Variants in PTPRG observed in about 807,000 individuals in gnomAD.
PTPRG encodes receptor-type tyrosine-protein phosphatase gamma.
Under a neutral mutation model 165.3 loss-of-function variants are expected in PTPRG, and 102 were observed. The observed-to-expected ratio is 0.62, with a 90% CI of 0.53 to 0.73. PTPRG has a LOEUF of 0.73. Among genes scored for constraint, PTPRG ranks in the 30% least tolerant of loss-of-function variants. The pLI, the probability that PTPRG is intolerant of heterozygous loss-of-function variation, is 0.00. For synonymous variants in PTPRG, 675 were observed against 669.5 expected, an observed-to-expected ratio of 1.01 and a Z score of -0.13; for missense variants, 1,866 against 1,861.4, an observed-to-expected ratio of 1.00 and a Z score of -0.05.
At chr3:61,600,672 TG>T (rs1195381593) in intron 1 of PTPRG, among the ~76,000 whole-genome samples, 4 of 152,110 alleles carry the variant, frequency 2.6e-5, no homozygotes, top group Non-Finnish European at 4.4e-5. Context: ...CCTAAGTAGC[TG>T]GGACCATAGG....
At chr3:61,658,646 A>C in intron 1 of PTPRG, among the ~76,000 whole-genome samples, 1 of 151,768 alleles carries the variant, frequency 6.6e-6, no homozygotes, top group East Asian at 1.9e-4. Flanking sequence ...TTTGTTGTTT[A>C]TTTTCCCAGC....
intron 2 of PTPRG, among the ~76,000 whole-genome samples, chr3:61,927,537 A>G (rs2039251808): frequency 6.6e-6 from 1 of 152,220 alleles, no homozygotes; most frequent in Admixed American, 6.5e-5. Context: ...AGTGTGGGCC[A>G]GAAGCCTCTA....
chr3:61,825,586 A>G (rs971042549), intron 2 of PTPRG, among the ~76,000 whole-genome samples: 8 of 152,140 alleles, frequency 5.3e-5, no homozygotes, highest in African/African-American at 1.9e-4. Context: ...AATAAATTTC[A>G]CAAATTTGGA....
At chr3:62,004,179 C>G (rs1329400805) in intron 4 of PTPRG, among the ~76,000 whole-genome samples, 1 of 152,002 alleles carries the variant, frequency 6.6e-6, no homozygotes, top group Non-Finnish European at 1.5e-5. Flanking sequence ...CAATGCCAAC[C>G]TTATATATTT....
At chr3:61,625,849 CT>C (rs1483001562) in intron 1 of PTPRG, among the ~76,000 whole-genome samples, 1 of 152,202 alleles carries the variant, frequency 6.6e-6, no homozygotes, top group African/African-American at 2.4e-5. Context: ...GAAGATTTTA[CT>C]GTTGCAGAAC....
chr3:61,846,021 G>A (rs956290769), intron 2 of PTPRG, among the ~76,000 whole-genome samples: 13 of 152,156 alleles, frequency 8.5e-5, no homozygotes, highest in African/African-American at 3.1e-4. Flanking sequence ...ACATTAATTT[G>A]CGCTGTCACC....
At chr3:62,275,590 C>G (rs1257067464) in intron 23 of PTPRG, among the ~76,000 whole-genome samples, 1 of 152,102 alleles carries the variant, frequency 6.6e-6, no homozygotes, top group Non-Finnish European at 1.5e-5. Flanking sequence ...CAGGAAGACC[C>G]CAATTCTATA....
In PTPRG at chr3:62,277,621, G is replaced by C; in HGVS notation, c.3707G>C (p.Arg1236Pro). The C allele has an allele frequency of 6.2e-7, 1 of 1,612,674 alleles. No homozygotes were observed. The highest frequency in any genetic ancestry group is 8.5e-7 in the Non-Finnish European group (1 of 1,179,320). ...CCACATACTACGAAAGATTTCTGGCGAATGATTTGGGATCATAACGCACAG... is the reference window on the plus strand; with the variant it reads ...CCACATACTACGAAAGATTTCTGGCCAATGATTTGGGATCATAACGCACAG... ...PLPHTTKDFW[R>P]MIWDHNAQII... is the part of the protein sequence containing the mutation. The change falls in exon 26 of 30, where the codon CGA (arginine) becomes CCA (proline). Residue 1236 changes from arginine (R) to proline (P), a missense_variant. By Grantham distance (103) the Arg-to-Pro change is moderately radical. This residue lies in a region of PTPRG where 1,452 missense variants were observed against 1,463.0 expected (regional missense o/e 0.99). Transcript: ENST00000474889.
At chr3:61,830,583 T>A (rs1318478446) in intron 2 of PTPRG, among the ~76,000 whole-genome samples, 1 of 146,410 alleles carries the variant, frequency 6.8e-6, no homozygotes, top group Non-Finnish European at 1.5e-5. Flanking sequence ...TTTTTTTTTT[T>A]TTTTTTTGGA....
chr3:62,265,847 T>TACATAC (rs149962561), intron 17 of PTPRG, among the ~76,000 whole-genome samples: 1 of 126,850 alleles, frequency 7.9e-6, no homozygotes, highest in Non-Finnish European at 1.7e-5. Flanking sequence ...CATACATACA[T>TACATAC]ACACACACAC....
intron 16 of PTPRG, among the ~76,000 whole-genome samples, chr3:62,256,842 TTGATC>T (rs1369135990): frequency 6.6e-6 from 1 of 152,166 alleles, no homozygotes; most frequent in Non-Finnish European, 1.5e-5. Context: ...CTCTGTAAAC[TTGATC>T]TGACTTAAAA....
intron 15 of PTPRG, among the ~76,000 whole-genome samples, chr3:62,249,020 T>C (rs1473335115): frequency 6.6e-6 from 1 of 152,198 alleles, no homozygotes; most frequent in African/African-American, 2.4e-5. Context: ...AAGAGATTCA[T>C]TGGTCTTTTG....
chr3:61,729,944 T>A (rs550994813), intron 1 of PTPRG, among the ~76,000 whole-genome samples: 10 of 152,230 alleles, frequency 6.6e-5, no homozygotes, highest in Non-Finnish European at 1.0e-4. Flanking sequence ...TGTGATAATA[T>A]AATGATTGAT....
intron 2 of PTPRG, among the ~76,000 whole-genome samples, chr3:61,782,731 G>C (rs1193248734): frequency 1.3e-5 from 2 of 152,198 alleles, no homozygotes; most frequent in African/African-American, 4.8e-5. Context: ...TTAAGCTGAA[G>C]GTTATGATAT....
chr3:62,157,065 A>G lies in PTPRG; in HGVS notation c.683-2A>G. On this transcript the variant is annotated splice_acceptor_variant, in intron 6 of 29. Coordinates refer to ENST00000474889, the MANE Select transcript of PTPRG (RefSeq NM_002841.4). LOFTEE classifies it high-confidence loss of function. ...TTTTCTTTTCCCTTTTTCCCCAAAC[A>G]GAGAAGGAGACCTTTCTGGATCCTT... The G allele has an allele frequency of 6.3e-7, 1 of 1,598,462 alleles. No homozygotes were observed.
intron 12 of PTPRG, among the ~76,000 whole-genome samples, chr3:62,208,221 A>G (rs1700277347): frequency 6.6e-6 from 1 of 152,000 alleles, no homozygotes; most frequent in African/African-American, 2.4e-5. Flanking sequence ...CTTTAGTGCA[A>G]AGCCCTCAGC....
At chr3:61,588,725 A>C (rs1393597435) in intron 1 of PTPRG, among the ~76,000 whole-genome samples, 2 of 152,162 alleles carry the variant, frequency 1.3e-5, no homozygotes, top group Non-Finnish European at 1.5e-5. Flanking sequence ...GGATTACAGG[A>C]ATGAGCCGCC....
At chr3:61,784,153 C>A (rs1194991785) in intron 2 of PTPRG, among the ~76,000 whole-genome samples, 13 of 152,162 alleles carry the variant, frequency 8.5e-5, no homozygotes, top group Admixed American at 7.2e-4. Context: ...CCAGAAACTG[C>A]TGCAGAATTT....
chr3:61,602,398 C>T (rs988708496), intron 1 of PTPRG, among the ~76,000 whole-genome samples: 14 of 152,130 alleles, frequency 9.2e-5, no homozygotes, highest in East Asian at 1.9e-4. Context: ...AGCATCCTCA[C>T]GGTGGGACCA....
Sources: gnomAD v4.1 joint callset for allele counts (sites outside exome capture counted in the v4.1 genomes callset) on GRCh38, gnomAD v4.1.1 for gene constraint, gnomAD v4.1.1 regional missense constraint, MANE v1.5 for transcripts, NCBI Gene and HGNC (gene_info 2026-07-23, HGNC 2026-07-21) for gene names.